The following KCNIP4 variants were observed in gnomAD, a reference collection of about 807,000 sequenced individuals.
The protein encoded by KCNIP4 is potassium voltage-gated channel interacting protein 4, also known as Kv channel-interacting protein 4.
KCNIP4 carries 12 observed loss-of-function variants against 34.0 expected under a neutral mutation model. That is an observed-to-expected ratio of 0.35 (90% CI 0.23 to 0.57). KCNIP4 has a LOEUF of 0.57. Among genes scored for constraint, KCNIP4 ranks in the 20% least tolerant of loss-of-function variants. The pLI is 0.83. For missense variants in KCNIP4, 238 were observed against 311.7 expected (o/e 0.76, Z 1.78); for synonymous variants, 124 against 102.2 (o/e 1.21, Z -1.29).
chr4:21,362,469 A>G (rs1023552985), intron 1 of KCNIP4, among the ~76,000 whole-genome samples: 1 of 152,190 alleles, frequency 6.6e-6, no homozygotes, highest in African/African-American at 2.4e-5. Context: ...TTTGGAGTCT[A>G]AGACATGTGA....
At chr4:20,950,766 T>C (rs1439107637) in intron 1 of KCNIP4, among the ~76,000 whole-genome samples, 3 of 152,134 alleles carry the variant, frequency 2.0e-5, no homozygotes, top group Non-Finnish European at 4.4e-5. Context: ...CCAGGACTTT[T>C]ACAAAACCAA....
At chr4:21,249,458 A>G (rs1760529711) in intron 1 of KCNIP4, among the ~76,000 whole-genome samples, 1 of 152,078 alleles carries the variant, frequency 6.6e-6, no homozygotes, top group Admixed American at 6.6e-5. Flanking sequence ...TTAAGTTTCA[A>G]ATACTTGTCC....
intron 1 of KCNIP4, among the ~76,000 whole-genome samples, chr4:20,965,076 A>G (rs2149666824): frequency 6.6e-6 from 1 of 152,292 alleles, no homozygotes; most frequent in Non-Finnish European, 1.5e-5. Context: ...TTAACTTTTA[A>G]CCTTCTGTTT....
intron 1 of KCNIP4, among the ~76,000 whole-genome samples, chr4:21,218,403 G>A (rs944719377): frequency 6.6e-6 from 1 of 151,810 alleles, no homozygotes; most frequent in African/African-American, 2.4e-5. Flanking sequence ...TTTATTATCA[G>A]TATTCTTCAT....
chr4:21,299,362 A>T (rs958369672), intron 1 of KCNIP4, among the ~76,000 whole-genome samples: 1 of 152,098 alleles, frequency 6.6e-6, no homozygotes, highest in Non-Finnish European at 1.5e-5. Context: ...GTAATCTCTG[A>T]ATATACTAAA....
intron 1 of KCNIP4, among the ~76,000 whole-genome samples, chr4:21,033,784 T>A (rs1269925247): frequency 6.6e-6 from 1 of 152,192 alleles, no homozygotes; most frequent in East Asian, 1.9e-4. Flanking sequence ...TGGGCCAATA[T>A]GTATTTTAAT....
chr4:21,786,924 T>C (rs1283153791), intron 1 of KCNIP4, among the ~76,000 whole-genome samples: 1 of 152,020 alleles, frequency 6.6e-6, no homozygotes, highest in African/African-American at 2.4e-5. Flanking sequence ...ATAAAGGTTA[T>C]GTCTCTAGCC....
intron 1 of KCNIP4, among the ~76,000 whole-genome samples, chr4:21,156,127 T>C (rs1379543500): frequency 6.6e-6 from 1 of 152,176 alleles, no homozygotes; most frequent in African/African-American, 2.4e-5. Context: ...GAGCATGGTA[T>C]TTGACAGATG....
chr4:21,119,704 C>T (rs1749989672), intron 1 of KCNIP4, among the ~76,000 whole-genome samples: 1 of 150,750 alleles, frequency 6.6e-6, no homozygotes, highest in South Asian at 2.1e-4. Flanking sequence ...TTCTCTCCAA[C>T]ATTGATATTA....
At chr4:21,479,318 G>A (rs1377310836) in intron 1 of KCNIP4, among the ~76,000 whole-genome samples, 1 of 152,042 alleles carries the variant, frequency 6.6e-6, no homozygotes, top group East Asian at 1.9e-4. Context: ...AAATAATGAG[G>A]AAAGCTAAAA....
At chr4:21,089,261 G>T (rs1444045782) in intron 1 of KCNIP4, among the ~76,000 whole-genome samples, 6 of 152,192 alleles carry the variant, frequency 3.9e-5, no homozygotes, top group Middle Eastern at 3.4e-3. Context: ...CACAAGATCT[G>T]GTTCTTTAAA....
chr4:21,639,746 TAA>T (rs1746480876), intron 1 of KCNIP4, among the ~76,000 whole-genome samples: 1 of 152,200 alleles, frequency 6.6e-6, no homozygotes, highest in South Asian at 2.1e-4. Flanking sequence ...CTTTGAGGAT[TAA>T]AAAGAGTATC....
intron 1 of KCNIP4, among the ~76,000 whole-genome samples, chr4:21,085,871 G>T (rs997226197): frequency 4.6e-5 from 7 of 152,154 alleles, no homozygotes; most frequent in Admixed American, 1.3e-4. Flanking sequence ...AGAAAGATAA[G>T]GCATCTATCC....
chr4:21,503,317 G>T (rs897315390), intron 1 of KCNIP4, among the ~76,000 whole-genome samples: 1 of 152,038 alleles, frequency 6.6e-6, no homozygotes, highest in African/African-American at 2.4e-5. Flanking sequence ...ATTAACTATT[G>T]GGGAGGTAAA....
chr4:20,739,702 C>T (rs957421220), intron 5 of KCNIP4, among the ~76,000 whole-genome samples: 8 of 152,228 alleles, frequency 5.3e-5, no homozygotes, highest in Admixed American at 2.0e-4. Flanking sequence ...AGGAACGCAC[C>T]TCCTCGCCAG....
chr4:21,071,742 A>G (rs1577639018), intron 1 of KCNIP4, among the ~76,000 whole-genome samples: 1 of 152,084 alleles, frequency 6.6e-6, no homozygotes, highest in East Asian at 1.9e-4. Flanking sequence ...TGCTGCACCC[A>G]TTAACTCGTC....
intron 1 of KCNIP4, among the ~76,000 whole-genome samples, chr4:21,497,171 A>G (rs1054503420): frequency 2.6e-5 from 4 of 152,214 alleles, no homozygotes; most frequent in Non-Finnish European, 2.9e-5. Context: ...CACATGAACT[A>G]TGATGTAAAG....
chr4:20,821,843 G>GGTGTGT (rs1426401120), intron 3 of KCNIP4, among the ~76,000 whole-genome samples: 1 of 151,146 alleles, frequency 6.6e-6, no homozygotes, highest in Admixed American at 6.7e-5. Flanking sequence ...AGTATTTCAT[G>GGTGTGT]GTGTGTGTGT....
At chr4:21,269,673 G>A (rs971743178) in intron 1 of KCNIP4, among the ~76,000 whole-genome samples, 1 of 152,136 alleles carries the variant, frequency 6.6e-6, no homozygotes, top group Non-Finnish European at 1.5e-5. Flanking sequence ...GGGATTTTAG[G>A]CATGAGCCAC....
Sources: gnomAD v4.1 joint callset for allele counts (sites outside exome capture counted in the v4.1 genomes callset) on GRCh38, gnomAD v4.1.1 for gene constraint, MANE v1.5 for transcripts, NCBI Gene and HGNC (gene_info 2026-07-23, HGNC 2026-07-21) for gene names.